Variants in PCDH15 observed in about 807,000 individuals in gnomAD.
The protein encoded by PCDH15 is protocadherin related 15.
In PCDH15, 129 loss-of-function variants were observed where a neutral mutation model predicts 178.5. The ratio of observed to expected loss-of-function variants is 0.72; its 90% CI spans 0.63 to 0.84. The LOEUF is 0.84. Ranked by LOEUF, PCDH15 falls within the 40% of genes least tolerant of loss-of-function variation. The pLI is 0.00. For missense variants in PCDH15, 2,230 were observed against 2,099.9 expected (o/e 1.06, Z -1.21); for synonymous variants, 800 against 732.0 (o/e 1.09, Z -1.50).
chr10:54,998,160 A>C (rs2131926001), intron 2 of PCDH15, among the ~76,000 whole-genome samples: 1 of 152,296 alleles, frequency 6.6e-6, no homozygotes. Flanking sequence ...GGTTAATTCA[A>C]ATTATGGACT....
intron 1 of PCDH15, among the ~76,000 whole-genome samples, chr10:55,285,546 AT>A (rs975719724): frequency 4.0e-5 from 6 of 151,260 alleles, no homozygotes; most frequent in South Asian, 2.1e-4. Flanking sequence ...TAGGATGTTC[AT>A]TTTTTTTCTT....
At chr10:55,500,214 A>G (rs1160339578) in intron 2 of PCDH15, among the ~76,000 whole-genome samples, 1 of 151,784 alleles carries the variant, frequency 6.6e-6, no homozygotes, top group African/African-American at 2.4e-5. Context: ...ATTAGGATGT[A>G]TGATATTTTA....
At chr10:54,954,297 A>G (rs1298433280) in intron 2 of PCDH15, among the ~76,000 whole-genome samples, 6 of 151,332 alleles carry the variant, frequency 4.0e-5, no homozygotes, top group African/African-American at 1.4e-4. Flanking sequence ...TCAGGAAAAC[A>G]CATCCTTTCC....
chr10:55,618,987 GA>G (rs1315518341), intron 2 of PCDH15, among the ~76,000 whole-genome samples: 1 of 152,012 alleles, frequency 6.6e-6, no homozygotes, highest in African/African-American at 2.4e-5. Flanking sequence ...GAACCAAGTT[GA>G]AAATTAAACA....
intron 1 of PCDH15, among the ~76,000 whole-genome samples, chr10:54,712,516 T>C (rs760150346): frequency 3.3e-5 from 5 of 151,622 alleles, no homozygotes; most frequent in Non-Finnish European, 5.9e-5. Flanking sequence ...CTATAGAAAA[T>C]GTCTCATATT....
chr10:54,213,795 T>C (rs1157439452), intron 10 of PCDH15, 141 bp downstream of exon 10: 6 of 579,710 alleles, frequency 1.0e-5, no homozygotes, highest in Non-Finnish European at 1.5e-5. Context: ...CTTCGCTTAT[T>C]TTCTTTTTAA....
At chr10:53,892,151 A>G (rs2133498959) in intron 26 of PCDH15, among the ~76,000 whole-genome samples, 1 of 148,872 alleles carries the variant, frequency 6.7e-6, no homozygotes, top group African/African-American at 2.5e-5. Context: ...CAGCCTCTTG[A>G]GTAGCTGGGA....
intron 28 of PCDH15, 47 bp downstream of exon 28, chr10:53,857,128 A>T: frequency 7.6e-7 from 1 of 1,322,246 alleles, no homozygotes; most frequent in Non-Finnish European, 1.1e-6. Flanking sequence ...ACAGTTAAAA[A>T]TCATGGTCAT....
intron 2 of PCDH15, among the ~76,000 whole-genome samples, chr10:54,989,053 A>G (rs1399785779): frequency 6.6e-6 from 1 of 152,168 alleles, no homozygotes; most frequent in Non-Finnish European, 1.5e-5. Flanking sequence ...AGTGGCCAAC[A>G]TAGAGCTTGG....
intron 2 of PCDH15, among the ~76,000 whole-genome samples, chr10:55,334,242 A>ATATATATATATATATATATATGTGTG (rs1291195941): frequency 1.4e-5 from 1 of 72,136 alleles, no homozygotes; most frequent in African/African-American, 9.5e-5. Flanking sequence ...ATATATATAT[A>ATATATATATATATATATATATGTGTG]TGTGTGTGTG....
At chr10:55,433,949 T>C (rs1035837150) in intron 2 of PCDH15, among the ~76,000 whole-genome samples, 1 of 152,110 alleles carries the variant, frequency 6.6e-6, no homozygotes, top group Admixed American at 6.6e-5. Flanking sequence ...TATGTGTGGT[T>C]TATTTCTGGG....
rs572909460 is a variant in PCDH15 at position 53,912,938 on chromosome 10, C to A, written c.3374-9568G>T. Among the ~76,000 whole-genome samples the A allele has an allele frequency of 4.9e-4, 75 of 152,274 alleles. 2 individuals carry two copies. In the South Asian group the frequency reaches 7.3e-3, roughly 15 times the overall value. On this transcript the variant is annotated intron_variant, in intron 25 of 37. Transcript: ENST00000644397. ...ACTTTCTTCACAGAACTGGGAAAAA[C>A]TACTTTAAAGTTCATATGGAACAAA...
At chr10:55,370,164 A>T (rs1845469253) in intron 2 of PCDH15, among the ~76,000 whole-genome samples, 1 of 152,216 alleles carries the variant, frequency 6.6e-6, no homozygotes, top group African/African-American at 2.4e-5. Context: ...TGTCTGTTTG[A>T]AATAAATGGG....
intron 25 of PCDH15, among the ~76,000 whole-genome samples, chr10:53,912,231 T>A (rs2083156184): frequency 6.6e-6 from 1 of 152,098 alleles, no homozygotes. Flanking sequence ...AAAAGGCCTT[T>A]GACAAAATTC....
At chr10:54,631,779 G>A (rs903503023) in intron 2 of PCDH15, among the ~76,000 whole-genome samples, 20 of 152,032 alleles carry the variant, frequency 1.3e-4, no homozygotes, top group African/African-American at 4.8e-4. Context: ...AAGACAAATG[G>A]GAAGCGAGGC....
chr10:55,093,478 T>A (rs1842367351), intron 2 of PCDH15, among the ~76,000 whole-genome samples: 1 of 152,134 alleles, frequency 6.6e-6, no homozygotes, highest in South Asian at 2.1e-4. Context: ...AGCTCTTTAG[T>A]TGAATTAGAT....
rs145807697 is a variant in PCDH15, at chr10:55,226,235, A to G, written c.-155-59584T>C. Among the ~76,000 whole-genome samples, 468 of 152,312 alleles carry G rather than the reference A, an allele frequency of 3.1e-3. 5 individuals are homozygous for G. The highest frequency in any genetic ancestry group is 0.011 in the African/African-American group (442 of 41,534). On this transcript the variant is annotated intron_variant, in intron 1 of 5. Coordinates refer to the PCDH15 transcript ENST00000458638. ...ACTTCTAGCATATGAGACAGATCAA[A>G]TAACCAAGAATAGTCTCAGAGGAGA...
At chr10:54,229,795 A>G (rs1379242218) in intron 9 of PCDH15, among the ~76,000 whole-genome samples, 3 of 152,234 alleles carry the variant, frequency 2.0e-5, no homozygotes. Flanking sequence ...TGTCTTTATC[A>G]GCAGCATGAA....
intron 2 of PCDH15, among the ~76,000 whole-genome samples, chr10:54,577,103 T>G (rs1406525255): frequency 7.2e-6 from 1 of 139,334 alleles, no homozygotes; most frequent in South Asian, 2.3e-4. Flanking sequence ...TTTTTTTTTT[T>G]GAGACAGTCT....
Sources: allele counts gnomAD v4.1 joint callset (sites outside exome capture counted in the v4.1 genomes callset), GRCh38; gene constraint gnomAD v4.1.1; transcripts MANE v1.5; gene names NCBI Gene and HGNC (gene_info 2026-07-23, HGNC 2026-07-21).